The following ERBB4 variants were observed in gnomAD, a reference collection of about 807,000 sequenced individuals.
ERBB4 encodes receptor tyrosine-protein kinase erbB-4.
In ERBB4, 42 loss-of-function variants were observed where a neutral mutation model predicts 158.0. The observed-to-expected ratio is 0.27, with a 90% CI of 0.21 to 0.34. The LOEUF (loss-of-function observed/expected upper bound fraction) is 0.34, where lower values mean the gene tolerates loss of function less well. ERBB4 is among the 10% of genes least tolerant of loss of function. The pLI is 1.00. For synonymous variants in ERBB4, 583 were observed against 558.7 expected (o/e 1.04, Z -0.61); for missense variants, 1,333 against 1,624.1 (o/e 0.82, Z 3.08).
At chr2:211,748,657 A>C (rs79575765) in intron 5 of ERBB4, among the ~76,000 whole-genome samples, 2,420 of 152,366 alleles carry the variant, frequency 0.016, 72 homozygotes, top group African/African-American at 0.054. Flanking sequence ...AGCCACAACA[A>C]GGAGCTTTTG....
chr2:211,449,622 T>A (rs1467935035), intron 20 of ERBB4, among the ~76,000 whole-genome samples: 1 of 152,190 alleles, frequency 6.6e-6, no homozygotes, highest in South Asian at 2.1e-4. Flanking sequence ...CTAATTAATA[T>A]GTATCATGTA....
intron 9 of ERBB4, among the ~76,000 whole-genome samples, chr2:211,708,361 T>C (rs2073531906): frequency 6.6e-6 from 1 of 152,076 alleles, no homozygotes; most frequent in South Asian, 2.1e-4. Context: ...ATATTCCAGG[T>C]TTAAGCGCTA....
intron 2 of ERBB4, among the ~76,000 whole-genome samples, chr2:211,957,923 C>A (rs2081076171): frequency 6.6e-6 from 1 of 151,942 alleles, no homozygotes; most frequent in Non-Finnish European, 1.5e-5. Context: ...GAAAATGGGC[C>A]TCTATGAAAT....
rs13414897 is a variant in ERBB4, at chr2:211,925,929, C to T, written c.421+21501G>A. On this transcript the variant is annotated intron_variant, in intron 3 of 27. Coordinates refer to ENST00000342788, the MANE Select transcript of ERBB4 (RefSeq NM_005235.3). ...CTGTATTTAACCTTAACTCTACTCC[C>T]TTGCCCCAATTAAGTAGAACCAGAT... is the stretch of plus-strand genomic sequence containing the variant. Among the ~76,000 whole-genome samples the T allele has an allele frequency of 8.3e-3, 1,261 of 152,152 alleles. 16 individuals are homozygous for T. Among genetic ancestry groups the T allele is most frequent in the African/African-American group, 0.029 (1,212 of 41,520 alleles).
intron 19 of ERBB4, among the ~76,000 whole-genome samples, chr2:211,569,275 T>C (rs926563386): frequency 6.6e-6 from 1 of 152,216 alleles, no homozygotes; most frequent in African/African-American, 2.4e-5. Flanking sequence ...GTTTTCCCTC[T>C]TTTTTCTTCC....
intron 1 of ERBB4, among the ~76,000 whole-genome samples, chr2:212,307,965 A>G (rs1040891273): frequency 3.3e-5 from 5 of 150,830 alleles, no homozygotes; most frequent in African/African-American, 1.2e-4. Context: ...TCCCCGATCC[A>G]TGCATTATAA....
At chr2:211,779,172 C>T (rs1252429836) in intron 4 of ERBB4, 12 of 152,120 alleles carry the variant, frequency 7.9e-5, no homozygotes. Context: ...TATTGCTATC[C>T]CTACTGGCAT....
chr2:211,592,995 A>G (rs1335280905), intron 19 of ERBB4, among the ~76,000 whole-genome samples: 1 of 138,518 alleles, frequency 7.2e-6, no homozygotes, highest in Non-Finnish European at 1.6e-5. Context: ...CCCAGGATAC[A>G]GAGTGAGACT....
intron 1 of ERBB4, among the ~76,000 whole-genome samples, chr2:212,403,050 ATTATT>A (rs2091253609): frequency 6.6e-6 from 1 of 152,110 alleles, no homozygotes; most frequent in Non-Finnish European, 1.5e-5. Context: ...TTGTAAAACA[ATTATT>A]TTATAAACAG....
chr2:212,062,715 T>C (rs1462552246), intron 2 of ERBB4, among the ~76,000 whole-genome samples: 5 of 152,128 alleles, frequency 3.3e-5, no homozygotes, highest in Non-Finnish European at 1.5e-5. Flanking sequence ...CTCAATTCTT[T>C]AAAACAGAAA....
intron 20 of ERBB4, among the ~76,000 whole-genome samples, chr2:211,501,291 G>C (rs1272583599): frequency 1.3e-5 from 2 of 151,598 alleles, no homozygotes; most frequent in Non-Finnish European, 2.9e-5. Flanking sequence ...CCACAATAGG[G>C]CTACCATAAC....
At chr2:211,389,027 CTTGT>C (rs111695175) in intron 25 of ERBB4, among the ~76,000 whole-genome samples, 3,605 of 151,986 alleles carry the variant, frequency 0.024, 64 homozygotes, top group African/African-American at 0.044. Context: ...TACCTTACAT[CTTGT>C]TTGTTTGTTT....
At position 212,162,379 on chromosome 2, in the gene ERBB4, T is replaced by C. The variant is rs552141900; in HGVS notation, c.83-37476A>G. Among the ~76,000 whole-genome samples the C allele has an allele frequency of 3.3e-5, 5 of 151,912 alleles. No individual in the cohort carries two copies. In the East Asian group the frequency reaches 5.8e-4, roughly 18 times the overall value. On this transcript the variant is annotated intron_variant, in intron 1 of 27. Coordinates refer to ENST00000342788, the MANE Select transcript of ERBB4 (RefSeq NM_005235.3). ...CTAGAACAGGCAAAATTAATCTTGG[T>C]CCAAAAAATTAAAATAGTGTTTATC...
intron 1 of ERBB4, among the ~76,000 whole-genome samples, chr2:212,393,169 T>C (rs2090928347): frequency 6.6e-6 from 1 of 152,092 alleles, no homozygotes; most frequent in Non-Finnish European, 1.5e-5. Flanking sequence ...GTGGCAGACC[T>C]TGCTTATCTA....
intron 4 of ERBB4, among the ~76,000 whole-genome samples, chr2:211,772,993 A>C: frequency 7.3e-6 from 1 of 136,270 alleles, no homozygotes; most frequent in Admixed American, 7.8e-5. Context: ...TCTGTTGCCC[A>C]GGTTGCTCTC....
chr2:212,313,111 T>G (rs2087120085), intron 1 of ERBB4, among the ~76,000 whole-genome samples: 1 of 150,798 alleles, frequency 6.6e-6, no homozygotes, highest in African/African-American at 2.4e-5. Context: ...GGTAAATATA[T>G]CCAATTTGGA....
intron 1 of ERBB4, among the ~76,000 whole-genome samples, chr2:212,523,700 T>A (rs977978084): frequency 3.9e-5 from 6 of 152,030 alleles, no homozygotes; most frequent in Non-Finnish European, 8.8e-5. Flanking sequence ...TTAGAGGCTA[T>A]GAAAAGATAC....
intron 21 of ERBB4, among the ~76,000 whole-genome samples, 164 bp from the exon 22 acceptor site, chr2:211,428,647 TATAA>T (rs1186387404): frequency 6.6e-6 from 1 of 151,968 alleles, no homozygotes; most frequent in African/African-American, 2.4e-5. Flanking sequence ...TGACTATAAC[TATAA>T]ATATATGTTA....
At chr2:212,092,896 C>A (rs928934195) in intron 2 of ERBB4, among the ~76,000 whole-genome samples, 8 of 152,012 alleles carry the variant, frequency 5.3e-5, no homozygotes, top group African/African-American at 1.9e-4. Flanking sequence ...CAACGTGGCA[C>A]GTGTATACCA....
Sources: allele counts gnomAD v4.1 joint callset (sites outside exome capture counted in the v4.1 genomes callset), GRCh38; gene constraint gnomAD v4.1.1; transcripts MANE v1.5; gene names NCBI Gene and HGNC (gene_info 2026-07-23, HGNC 2026-07-21).